Variants in DCLK1 observed in about 807,000 individuals in gnomAD.
The protein encoded by DCLK1 is serine/threonine-protein kinase DCLK1.
A neutral mutation model predicts 86.2 loss-of-function variants in DCLK1; 16 were observed. The observed-to-expected ratio is 0.19, with a 90% CI of 0.13 to 0.28. DCLK1 has a LOEUF of 0.28. Ranked by LOEUF, DCLK1 falls within the 10% of genes least tolerant of loss-of-function variation. DCLK1 has a pLI of 1.00. For missense variants in DCLK1, 590 were observed against 940.2 expected, an observed-to-expected ratio of 0.63 and a Z score of 4.87; for synonymous variants, 369 against 370.5, an observed-to-expected ratio of 1.00 and a Z score of 0.05.
intron 3 of DCLK1, among the ~76,000 whole-genome samples, chr13:36,039,499 C>T (rs1203093247): frequency 1.3e-5 from 2 of 152,028 alleles, no homozygotes; most frequent in Non-Finnish European, 2.9e-5. Context: ...TTTTCAGCAC[C>T]ACTTTCTTCT....
intron 3 of DCLK1, among the ~76,000 whole-genome samples, chr13:35,978,319 C>T (rs1432361137): frequency 6.7e-6 from 1 of 149,828 alleles, no homozygotes; most frequent in African/African-American, 2.5e-5. Context: ...TATTCTCCTG[C>T]CTCAGCCTCC....
rs568932104 is a variant in DCLK1, at chr13:36,109,150, T to C, written c.723+2719A>G. Among the ~76,000 whole-genome samples, 10 of 152,278 alleles carry C rather than the reference T, an allele frequency of 6.6e-5. No individual in the cohort carries two copies. The South Asian group carries it at 1.9e-3, about 28-fold the overall frequency. Reference sequence around the variant, plus strand: ...TCTTTATGTTCTTTCCACTTTATCATCCAATTCCTCTGCAGCTTTTCACTG... The same window carrying C: ...TCTTTATGTTCTTTCCACTTTATCACCCAATTCCTCTGCAGCTTTTCACTG... On this transcript the variant is annotated intron_variant, in intron 3 of 16. Coordinates refer to ENST00000360631, the MANE Select transcript of DCLK1 (RefSeq NM_001330071.2).
Position 35,769,396 on chromosome 13 carries a change from C to G in DCLK1, c.*5139G>C, listed in dbSNP as rs577488557. On this transcript the variant is annotated 3_prime_UTR_variant, in exon 17 of 17. Coordinates refer to ENST00000360631, the MANE Select transcript of DCLK1 (RefSeq NM_001330071.2). Reference sequence around the variant, plus strand: ...GCAAAATACTGTTGAATTTCACACTCAACTAATCCTTTAATAATTTTCTTT... The same window carrying G: ...GCAAAATACTGTTGAATTTCACACTGAACTAATCCTTTAATAATTTTCTTT... 2.0e-5 allele frequency: 3 copies of G among 152,276 alleles called. No homozygotes were observed. The highest frequency in any genetic ancestry group is 4.4e-5 in the Non-Finnish European group (3 of 68,020). The allele number at this position is 152,276 out of a possible 1,614,324, so 9.4% of individuals were successfully genotyped here. A position where few individuals can be genotyped will look rare whatever the true frequency, so the allele number is the denominator to read the frequency against.
chr13:35,944,416 G>T (rs534801379), intron 4 of DCLK1, among the ~76,000 whole-genome samples: 40 of 152,224 alleles, frequency 2.6e-4, no homozygotes, highest in Admixed American at 2.0e-4. Flanking sequence ...AAGGCCAAAT[G>T]AAGCATCGAT....
rs1032788033 is a variant in DCLK1, at chr13:35,964,798, A to C, written c.724-17341T>G. On this transcript the variant is annotated intron_variant, in intron 3 of 16. Coordinates refer to ENST00000360631, the MANE Select transcript of DCLK1 (RefSeq NM_001330071.2). ...AATGGTTGGAAAAAAAAAAAAAAAA[A>C]CTCAAGCGAAGAATCACATTTTGTG... Among the ~76,000 whole-genome samples, 7 of 146,508 alleles carry C rather than the reference A, an allele frequency of 4.8e-5. No individual in the cohort carries two copies. The South Asian group carries it at 6.6e-4, about 14-fold the overall frequency.
At chr13:36,063,708 C>T (rs1390076310) in intron 3 of DCLK1, among the ~76,000 whole-genome samples, 1 of 152,184 alleles carries the variant, frequency 6.6e-6, no homozygotes, top group Non-Finnish European at 1.5e-5. Context: ...GTGAAAAGAG[C>T]TGAACAGAAT....
intron 3 of DCLK1, among the ~76,000 whole-genome samples, chr13:36,091,151 A>C (rs916293137): frequency 1.3e-5 from 2 of 152,084 alleles, no homozygotes; most frequent in Non-Finnish European, 2.9e-5. Flanking sequence ...GTTCACTCTG[A>C]TGCTAGTTTC....
At chr13:35,910,983 T>A (rs2153124692) in intron 4 of DCLK1, among the ~76,000 whole-genome samples, 1 of 152,214 alleles carries the variant, frequency 6.6e-6, no homozygotes, top group East Asian at 1.9e-4. Flanking sequence ...AACACAGGTC[T>A]AAATAACTGT....
rs555531868 is a variant in DCLK1, at chr13:36,086,889, G to T, written c.723+24980C>A. ...CTATCATTGATGGGAATTTGGGTTG[G>T]TTCCAAGTCTTTGCTATTGCGAATA... On this transcript the variant is annotated intron_variant, in intron 3 of 16. Coordinates refer to ENST00000360631, the MANE Select transcript of DCLK1 (RefSeq NM_001330071.2). 6.6e-5 allele frequency among the ~76,000 whole-genome samples: 10 copies of T among 152,234 alleles called. No homozygotes were observed. The East Asian group carries it at 1.7e-3, about 26-fold the overall frequency.
chr13:35,919,698 T>G (rs1875673295), intron 4 of DCLK1, among the ~76,000 whole-genome samples: 1 of 152,102 alleles, frequency 6.6e-6, no homozygotes. Context: ...CGGTGGCTCA[T>G]GCCTATAATT....
intron 3 of DCLK1, among the ~76,000 whole-genome samples, chr13:36,035,024 C>A (rs1041087110): frequency 3.3e-5 from 5 of 152,134 alleles, no homozygotes; most frequent in Non-Finnish European, 5.9e-5. Context: ...AACCCCCTCT[C>A]CTCTATGACC....
intron 4 of DCLK1, among the ~76,000 whole-genome samples, chr13:35,915,170 A>G (rs1875333452): frequency 6.6e-6 from 1 of 152,264 alleles, no homozygotes; most frequent in African/African-American, 2.4e-5. Context: ...TAATCCTTAG[A>G]ACATATCACT....
At chr13:36,058,776 C>A (rs1883428832) in intron 3 of DCLK1, among the ~76,000 whole-genome samples, 1 of 152,134 alleles carries the variant, frequency 6.6e-6, no homozygotes, top group Non-Finnish European at 1.5e-5. Context: ...TTTGATTTTG[C>A]TTATGTTGAA....
At chr13:35,818,573 G>A (rs897113998) in intron 11 of DCLK1, among the ~76,000 whole-genome samples, 1 of 152,090 alleles carries the variant, frequency 6.6e-6, no homozygotes, top group African/African-American at 2.4e-5. Context: ...TGAAGAAAAC[G>A]ACTATGTTTG....
rs561936346 is a variant in DCLK1, at chr13:35,893,522, T to G, written c.824-22182A>C. 1.6e-3 allele frequency among the ~76,000 whole-genome samples: 246 copies of G among 152,274 alleles called. 3 individuals are homozygous for G. Among genetic ancestry groups the G allele is most frequent in the Middle Eastern group, 3.4e-3 (1 of 292 alleles). On this transcript the variant is annotated intron_variant, in intron 4 of 16. Transcript: ENST00000360631. ...GAAATGCTTCAAAATCCAAAACTTT[T>G]TGAGTGCTGACATGATGCCACAAGT...
intron 3 of DCLK1, among the ~76,000 whole-genome samples, chr13:36,025,871 C>T (rs1163190512): frequency 6.6e-6 from 1 of 151,666 alleles, no homozygotes; most frequent in Non-Finnish European, 1.5e-5. Flanking sequence ...ATCACTGTTA[C>T]AGCAACACAG....
At chr13:36,085,602 T>G (rs1030324381) in intron 3 of DCLK1, among the ~76,000 whole-genome samples, 2 of 152,206 alleles carry the variant, frequency 1.3e-5, no homozygotes, top group African/African-American at 4.8e-5. Flanking sequence ...CCTAATTTTT[T>G]CTATCAGAAA....
chr13:35,869,705 T>TG, intron 5 of DCLK1, among the ~76,000 whole-genome samples: 1 of 152,352 alleles, frequency 6.6e-6, no homozygotes, highest in South Asian at 2.1e-4. Flanking sequence ...TCCAATTTGC[T>TG]GGGCTCTAGC....
intron 16 of DCLK1, among the ~76,000 whole-genome samples, chr13:35,777,841 G>A (rs1189802130): frequency 2.0e-5 from 3 of 152,162 alleles, no homozygotes; most frequent in African/African-American, 7.2e-5. Context: ...CGCCCACTCT[G>A]CTTAGAGAAA....
Sources: allele counts gnomAD v4.1 joint callset (sites outside exome capture counted in the v4.1 genomes callset), GRCh38; gene constraint gnomAD v4.1.1; transcripts MANE v1.5; gene names NCBI Gene and HGNC (gene_info 2026-07-23, HGNC 2026-07-21).